Variants in PCDHGA2 observed in about 807,000 individuals in gnomAD.
PCDHGA2 encodes protocadherin gamma-A2.
A neutral mutation model predicts 59.2 loss-of-function variants in PCDHGA2; 40 were observed. The observed-to-expected ratio is 0.68, with a 90% CI of 0.52 to 0.88. The LOEUF (loss-of-function observed/expected upper bound fraction) is 0.88. Among genes scored for constraint, PCDHGA2 ranks in the 40% least tolerant of loss-of-function variants. PCDHGA2 has a pLI of 0.00. For missense variants in PCDHGA2, 1,226 were observed against 1,204.0 expected, an observed-to-expected ratio of 1.02 and a Z score of -0.27; for synonymous variants, 560 against 526.0, an observed-to-expected ratio of 1.06 and a Z score of -0.89.
rs774745752 is a variant in PCDHGA2, at chr5:141,360,510, T to G, written c.2424+19115T>G. ...TCTACATAGCAGTAATTGTGCAGGATATAAATGATAATACCCCGCTATTCA... is the reference window on the plus strand; with the variant it reads ...TCTACATAGCAGTAATTGTGCAGGAGATAAATGATAATACCCCGCTATTCA... On this transcript the variant is annotated intron_variant, in intron 1 of 3. Transcript: ENST00000394576. 3 of 1,613,972 alleles carry G rather than the reference T, an allele frequency of 1.9e-6. No individual in the cohort carries two copies. The South Asian group carries it at 3.3e-5, about 18-fold the overall frequency.
rs141958687 is a variant in PCDHGA2 at position 141,509,744 on chromosome 5, G to A, written c.2573-1203G>A. 3.3e-3 allele frequency among the ~76,000 whole-genome samples: 509 copies of A among 152,266 alleles called. 3 individuals are homozygous for A. The highest frequency in any genetic ancestry group is 5.5e-3 in the Non-Finnish European group (372 of 68,024). On this transcript the variant is annotated intron_variant, in intron 3 of 3. Coordinates refer to ENST00000394576, the MANE Select transcript of PCDHGA2 (RefSeq NM_018915.4). ...CACCTAGCTGTGGCACTCTGAGCCT[G>A]TGCCTAAAGTGTCCCTGAGATGTCT...
intron 2 of PCDHGA2, among the ~76,000 whole-genome samples, chr5:141,500,774 A>G (rs1479931234): frequency 6.6e-6 from 1 of 152,188 alleles, no homozygotes; most frequent in Non-Finnish European, 1.5e-5. Context: ...TCTTATGAAT[A>G]TACATATTAT....
At chr5:141,423,880 G>A in intron 1 of PCDHGA2, 1 of 1,282,292 alleles carries the variant, frequency 7.8e-7, no homozygotes, top group Middle Eastern at 2.9e-4. Context: ...TTTCAATCTT[G>A]GCATATTTTC....
chr5:141,485,888 G>T lies in PCDHGA2; in HGVS notation c.2425-8919G>T, dbSNP rs1166795987. 3 of 1,614,028 alleles carry T rather than the reference G, an allele frequency of 1.9e-6. No homozygotes were observed. The highest frequency in any genetic ancestry group is 2.5e-6 in the Non-Finnish European group (3 of 1,180,032). ...ATCCGTGCTGGACGTAAACGACAAC[G>T]CCCCAGCCTTCCAGCAATCCAGCTA... On this transcript the variant is annotated intron_variant, in intron 1 of 3. Coordinates refer to ENST00000394576, the MANE Select transcript of PCDHGA2 (RefSeq NM_018915.4). The surrounding 1 kb of genome is among the most constrained non-coding windows in gnomAD (Gnocchi z 5.7).
intron 1 of PCDHGA2, chr5:141,371,369 A>G: frequency 6.2e-7 from 1 of 1,614,014 alleles, no homozygotes; most frequent in Non-Finnish European, 8.5e-7. Flanking sequence ...AGGATGGTGG[A>G]CATCACACTG....
chr5:141,350,383 C>T, intron 1 of PCDHGA2: 2 of 1,590,220 alleles, frequency 1.3e-6, no homozygotes, highest in Non-Finnish European at 1.7e-6. Flanking sequence ...AGCTAGCCAA[C>T]GGCTCACGGG....
In PCDHGA2 at chr5:141,485,985, T is replaced by C. The variant is rs748867624; in HGVS notation, c.2425-8822T>C. 5.6e-6 allele frequency: 9 copies of C among 1,614,086 alleles called. No homozygotes were observed. Among genetic ancestry groups the C allele is most frequent in the South Asian group, 5.5e-5 (5 of 91,094 alleles). On this transcript the variant is annotated intron_variant, in intron 1 of 3. Coordinates refer to ENST00000394576, the MANE Select transcript of PCDHGA2 (RefSeq NM_018915.4). The surrounding 1 kb of genome is among the most constrained non-coding windows in gnomAD (Gnocchi z 5.7). ...CAGCTCAATGCCTCAGACCCGGACC[T>C]GGGTCCCAGTGGTAACGTCACCTTT...
intron 1 of PCDHGA2, among the ~76,000 whole-genome samples, chr5:141,467,341 C>T (rs1169830103): frequency 6.6e-6 from 1 of 152,214 alleles, no homozygotes; most frequent in Non-Finnish European, 1.5e-5. Context: ...ACGTAAGCCA[C>T]TGCCCCCGGC....
intron 1 of PCDHGA2, among the ~76,000 whole-genome samples, chr5:141,483,547 G>A (rs1202182188): frequency 6.6e-6 from 1 of 152,140 alleles, no homozygotes. Context: ...GGTTGACAGT[G>A]CCATTCACAG....
intron 1 of PCDHGA2, chr5:141,392,764 C>T (rs1589161528): frequency 1.4e-6 from 2 of 1,480,722 alleles, no homozygotes; most frequent in South Asian, 2.8e-5. Context: ...CTAAATAAGA[C>T]CCATTTATGC....
chr5:141,374,348 A>G (rs756876853), intron 1 of PCDHGA2: 4 of 1,614,028 alleles, frequency 2.5e-6, no homozygotes, highest in Middle Eastern at 1.6e-4. Context: ...CACCGCGGGT[A>G]GGATAGACCG....
intron 1 of PCDHGA2, chr5:141,415,661 T>C: frequency 6.3e-7 from 1 of 1,582,308 alleles, no homozygotes; most frequent in East Asian, 2.3e-5. Flanking sequence ...AAGATTGGTT[T>C]TTACTTTGAA....
intron 1 of PCDHGA2, chr5:141,408,786 C>A: frequency 6.2e-7 from 1 of 1,612,430 alleles, no homozygotes; most frequent in Non-Finnish European, 8.5e-7. Flanking sequence ...CCAGAGTTAT[C>A]TCTGGAGAAA....
intron 1 of PCDHGA2, chr5:141,430,828 G>C (rs760402028): frequency 1.3e-6 from 2 of 1,554,030 alleles, no homozygotes; most frequent in East Asian, 2.2e-5. Context: ...TGGGGACTCT[G>C]TGGGAGACCG....
chr5:141,422,078 A>G lies in PCDHGA2; in HGVS notation c.2425-72729A>G, dbSNP rs1442545718. 11 of 1,612,298 alleles carry G rather than the reference A, an allele frequency of 6.8e-6. No homozygotes were observed. In the South Asian group the frequency reaches 8.8e-5, roughly 13 times the overall value. Reference sequence around the variant, plus strand: ...GGGGAAGTAATGTATTCATTTCGGAACATGGAAAGCAAGGCTTCTGAAATA... The same window carrying G: ...GGGGAAGTAATGTATTCATTTCGGAGCATGGAAAGCAAGGCTTCTGAAATA... On this transcript the variant is annotated intron_variant, in intron 1 of 3. Coordinates refer to ENST00000394576, the MANE Select transcript of PCDHGA2 (RefSeq NM_018915.4).
chr5:141,432,415 G>A lies in PCDHGA2; in HGVS notation c.2425-62392G>A, dbSNP rs2097498934. The A allele has an allele frequency of 6.2e-7, 1 of 1,614,112 alleles. No homozygotes were observed. The highest frequency in any genetic ancestry group is 1.1e-5 in the South Asian group (1 of 91,092). On this transcript the variant is annotated intron_variant, in intron 1 of 3. Transcript: ENST00000394576. This position sits in a 1 kb window ranked among gnomAD's most constrained non-coding sequence, Gnocchi z 6.0. ...GCAACGTGTCGTTGAGCCTGTTCGT[G>A]CTGGACCAGAACGACAATGCGCCCG... is the stretch of plus-strand genomic sequence containing the variant.
chr5:141,392,299 T>C (rs1165805349), intron 1 of PCDHGA2: 1 of 151,994 alleles, frequency 6.6e-6, no homozygotes, highest in African/African-American at 2.4e-5. Flanking sequence ...GAAATGAAAG[T>C]ATCATGTTTT....
Position 141,487,552 on chromosome 5 carries a change from A to C in PCDHGA2, c.2425-7255A>C. On this transcript the variant is annotated intron_variant, in intron 1 of 3. Coordinates refer to ENST00000394576, the MANE Select transcript of PCDHGA2 (RefSeq NM_018915.4). The surrounding 1 kb of genome is among the most constrained non-coding windows in gnomAD (Gnocchi z 5.0). ...TCATGATGGTGAAGTCACCCAGTGC[A>C]CCTATGGCAGGGGAGCCTGTTCGCC... is the stretch of plus-strand genomic sequence containing the variant. 2 of 1,614,116 alleles carry C rather than the reference A, an allele frequency of 1.2e-6. No homozygotes were observed. The highest frequency in any genetic ancestry group is 1.7e-6 in the Non-Finnish European group (2 of 1,180,024).
intron 1 of PCDHGA2, chr5:141,417,252 G>C (rs2096099745): frequency 6.6e-6 from 1 of 152,148 alleles, no homozygotes; most frequent in Admixed American, 6.5e-5. Context: ...AGTACTTCCA[G>C]CTTCATAGAT....
Sources: gnomAD v4.1 joint callset for allele counts (sites outside exome capture counted in the v4.1 genomes callset) on GRCh38, gnomAD v4.1.1 for gene constraint, Gnocchi (gnomAD v3.1) non-coding constraint, MANE v1.5 for transcripts, NCBI Gene and HGNC (gene_info 2026-07-23, HGNC 2026-07-21) for gene names.